C1orf21: variants seen among roughly 807,000 people sequenced by gnomAD.
C1orf21 encodes the protein chromosome 1 open reading frame 21, also known as uncharacterized protein C1orf21.
Under a neutral mutation model 18.7 loss-of-function variants are expected in C1orf21, and 3 were observed. The ratio of observed to expected loss-of-function variants is 0.16; its 90% CI spans 0.07 to 0.42. The LOEUF (loss-of-function observed/expected upper bound fraction) is 0.42. C1orf21 is among the 10% of genes least tolerant of loss of function. C1orf21 has a pLI of 0.99. For synonymous variants in C1orf21, 41 were observed against 46.4 expected (o/e 0.88, Z 0.47); for missense variants, 104 against 143.6 (o/e 0.72, Z 1.41).
chr1:184,528,992 G>T (rs543633054), intron 3 of C1orf21, among the ~76,000 whole-genome samples: 1 of 152,166 alleles, frequency 6.6e-6, no homozygotes, highest in South Asian at 2.1e-4. Flanking sequence ...ATATTGCCTG[G>T]TGCCTTCCAC....
intron 1 of C1orf21, among the ~76,000 whole-genome samples, chr1:184,427,022 G>T (rs1656647477): frequency 6.6e-6 from 1 of 152,156 alleles, no homozygotes; most frequent in Non-Finnish European, 1.5e-5. Flanking sequence ...TTCTAGGTCT[G>T]CCCAGGGCTG....
At chr1:184,488,685 CT>C (rs1202440602) in intron 2 of C1orf21, among the ~76,000 whole-genome samples, 1 of 152,214 alleles carries the variant, frequency 6.6e-6, no homozygotes, top group Non-Finnish European at 1.5e-5. Flanking sequence ...AAACTGTAGG[CT>C]GGGCACAGTG....
chr1:184,570,219 C>T (rs1659090162), intron 3 of C1orf21, among the ~76,000 whole-genome samples: 1 of 151,934 alleles, frequency 6.6e-6, no homozygotes, highest in Non-Finnish European at 1.5e-5. Context: ...ACATGGGATC[C>T]TAGAAGCTGC....
chr1:184,556,105 C>G (rs1003694176), intron 3 of C1orf21, among the ~76,000 whole-genome samples: 3 of 152,192 alleles, frequency 2.0e-5, no homozygotes, highest in African/African-American at 7.2e-5. Context: ...CACACACATA[C>G]ACACACTGAG....
intron 3 of C1orf21, chr1:184,567,292 T>C (rs745865564): frequency 1.0e-4 from 48 of 469,250 alleles, no homozygotes; most frequent in Non-Finnish European, 2.0e-4. Flanking sequence ...TCATTAAAGG[T>C]CCTGGAGCAG....
chr1:184,611,170 C>T (rs932747894), intron 5 of C1orf21, among the ~76,000 whole-genome samples: 2 of 152,130 alleles, frequency 1.3e-5, no homozygotes, highest in African/African-American at 2.4e-5. Context: ...ATTAATGCCT[C>T]GATTGATTTT....
intron 1 of C1orf21, among the ~76,000 whole-genome samples, chr1:184,444,658 T>C (rs1265181850): frequency 6.6e-6 from 1 of 152,202 alleles, no homozygotes; most frequent in Non-Finnish European, 1.5e-5. Flanking sequence ...GTTATGTTAA[T>C]TTGGACCTAC....
chr1:184,425,259 C>A (rs1656615238), intron 1 of C1orf21, among the ~76,000 whole-genome samples: 2 of 150,622 alleles, frequency 1.3e-5, no homozygotes, highest in Admixed American at 1.3e-4. Flanking sequence ...TGATGATAAT[C>A]CTGATATCTT....
intron 3 of C1orf21, among the ~76,000 whole-genome samples, chr1:184,588,645 G>A (rs1449668867): frequency 6.6e-6 from 1 of 152,104 alleles, no homozygotes; most frequent in Non-Finnish European, 1.5e-5. Flanking sequence ...ATAAAAATGA[G>A]TTAATATATA....
chr1:184,504,161 G>C (rs1488827434), intron 2 of C1orf21, among the ~76,000 whole-genome samples: 2 of 152,142 alleles, frequency 1.3e-5, no homozygotes, highest in African/African-American at 2.4e-5. Flanking sequence ...AGCACAGCCT[G>C]CAACTGTTTA....
rs1659924895 is a variant in C1orf21 at position 184,622,055 on chromosome 1, G to A, written c.*2499G>A. ...ATTCGTGTTTGTACTTTATTTTTTT[G>A]TGCCTTCTGAAAGGATCTAAAACAA... On this transcript the variant is annotated 3_prime_UTR_variant, in exon 6 of 6. Coordinates refer to ENST00000235307, the MANE Select transcript of C1orf21 (RefSeq NM_030806.4). The A allele has an allele frequency of 6.6e-6, 1 of 152,056 alleles. No homozygotes were observed. The highest frequency in any genetic ancestry group is 6.6e-5 in the Admixed American group (1 of 15,264). 9.4% of individuals were successfully genotyped at this position (152,056 alleles called of 1,614,324 possible).
At chr1:184,541,887 T>C (rs1304371436) in intron 3 of C1orf21, among the ~76,000 whole-genome samples, 2 of 152,284 alleles carry the variant, frequency 1.3e-5, no homozygotes, top group South Asian at 2.1e-4. Context: ...GGTGACAGGA[T>C]TCAGTGTGGC....
At chr1:184,613,103 C>T (rs1274287902) in intron 5 of C1orf21, among the ~76,000 whole-genome samples, 1 of 152,168 alleles carries the variant, frequency 6.6e-6, no homozygotes, top group Non-Finnish European at 1.5e-5. Context: ...GCGCACGCCA[C>T]CACGCCCAGC....
At chr1:184,503,322 G>C (rs190989294) in intron 2 of C1orf21, among the ~76,000 whole-genome samples, 10 of 152,158 alleles carry the variant, frequency 6.6e-5, no homozygotes, top group African/African-American at 2.4e-4. Context: ...GGGACTTCCT[G>C]ACTCAGGGAA....
At chr1:184,409,408 G>A (rs1656298772) in intron 1 of C1orf21, among the ~76,000 whole-genome samples, 1 of 152,176 alleles carries the variant, frequency 6.6e-6, no homozygotes, top group Non-Finnish European at 1.5e-5. Context: ...AGGGGGATGG[G>A]AAGATTGCAG....
At chr1:184,577,204 G>T (rs1005753872) in intron 3 of C1orf21, among the ~76,000 whole-genome samples, 1 of 150,736 alleles carries the variant, frequency 6.6e-6, no homozygotes, top group Non-Finnish European at 1.5e-5. Flanking sequence ...ACAAGGATTC[G>T]TACAAGAGGG....
At chr1:184,500,553 A>G (rs952717093) in intron 2 of C1orf21, among the ~76,000 whole-genome samples, 2 of 152,134 alleles carry the variant, frequency 1.3e-5, no homozygotes, top group Admixed American at 6.5e-5. Flanking sequence ...AGACTATATC[A>G]TCCTGTGCAT....
intron 3 of C1orf21, chr1:184,568,340 CAA>C (rs2101988827): frequency 2.3e-6 from 1 of 434,344 alleles, no homozygotes; most frequent in Non-Finnish European, 4.7e-6. Flanking sequence ...TTTCATCTTG[CAA>C]AACTTAAACT....
At chr1:184,511,838 A>G (rs1172330437) in intron 3 of C1orf21, among the ~76,000 whole-genome samples, 1 of 152,166 alleles carries the variant, frequency 6.6e-6, no homozygotes, top group Non-Finnish European at 1.5e-5. Context: ...AGGGGAGAAG[A>G]GCCCCTTATA....
Sources: gnomAD v4.1 joint callset for allele counts (sites outside exome capture counted in the v4.1 genomes callset) on GRCh38, gnomAD v4.1.1 for gene constraint, MANE v1.5 for transcripts, NCBI Gene and HGNC (gene_info 2026-07-23, HGNC 2026-07-21) for gene names.